SUGCT: variants seen among roughly 807,000 people sequenced by gnomAD.
SUGCT encodes the protein succinyl-CoA:glutarate CoA-transferase.
SUGCT carries 41 observed loss-of-function variants against 55.0 expected under a neutral mutation model. The ratio of observed to expected loss-of-function variants is 0.74; its 90% CI spans 0.58 to 0.97. SUGCT has a LOEUF of 0.97. Among genes scored for constraint, SUGCT ranks in the 50% least tolerant of loss-of-function variants. SUGCT has a pLI of 0.00. For missense variants in SUGCT, 568 were observed against 547.8 expected (o/e 1.04, Z -0.37); for synonymous variants, 187 against 200.4 (o/e 0.93, Z 0.56).
rs144123653 is a variant in SUGCT, at chr7:40,430,284, A to G, written c.817-19003A>G. Among the ~76,000 whole-genome samples, 768 of 152,274 alleles carry G rather than the reference A, an allele frequency of 5.0e-3. 6 individuals carry two copies. Among genetic ancestry groups the G allele is most frequent in the African/African-American group, 0.018 (733 of 41,564 alleles). On this transcript the variant is annotated intron_variant, in intron 9 of 13. Coordinates refer to ENST00000335693, the MANE Select transcript of SUGCT (RefSeq NM_001193313.2). The stretch of plus-strand genomic sequence containing the variant: ...GCTGTACCAATCTATATTTTCACCA[A>G]TGGTATACAAGAGTTCTCCTTTCTC...
chr7:40,139,160 A>AATCAATC (rs201220891), intron 1 of SUGCT, among the ~76,000 whole-genome samples: 6 of 150,758 alleles, frequency 4.0e-5, no homozygotes, highest in African/African-American at 1.5e-4. Flanking sequence ...ATAAATAAAT[A>AATCAATC]AATAAATAAA....
chr7:40,823,457 C>G (rs1792133707), intron 13 of SUGCT, among the ~76,000 whole-genome samples: 1 of 152,018 alleles, frequency 6.6e-6, no homozygotes, highest in South Asian at 2.1e-4. Context: ...ATGGCGATTT[C>G]AAAACCTAAC....
intron 9 of SUGCT, among the ~76,000 whole-genome samples, chr7:40,378,942 C>T (rs1309242692): frequency 6.6e-6 from 1 of 152,124 alleles, no homozygotes; most frequent in Non-Finnish European, 1.5e-5. Context: ...TGACTATTAT[C>T]ACATATGTTA....
chr7:40,539,484 TCTA>T (rs201389755), intron 12 of SUGCT: 3,071 of 152,262 alleles, frequency 0.02, 46 homozygotes, highest in Non-Finnish European at 0.03. Flanking sequence ...TTCTGAGATT[TCTA>T]GCAGCAAGCA....
chr7:40,931,371 G>T, the SUGCT span, among the ~76,000 whole-genome samples: 1 of 152,136 alleles, frequency 6.6e-6, no homozygotes, highest in Non-Finnish European at 1.5e-5. Flanking sequence ...AGAGATATTG[G>T]TCTAAAATTC....
intron 12 of SUGCT, among the ~76,000 whole-genome samples, chr7:40,667,251 TTA>T (rs112421332): frequency 0.17 from 26,344 of 152,092 alleles, 2,349 homozygotes; most frequent in African/African-American, 0.2. Context: ...TTAATTATAT[TTA>T]TTGATTTGCA....
At chr7:40,865,098 C>T (rs529576781), downstream of SUGCT, among the ~76,000 whole-genome samples, 2 of 152,032 alleles carry the variant, frequency 1.3e-5, no homozygotes, top group African/African-American at 4.8e-5. Context: ...CCTCTCTCTC[C>T]TTCTCTGGGG....
In SUGCT at chr7:40,397,070, G is replaced by C. The variant is rs190944283; in HGVS notation, c.817-52217G>C. 5.3e-5 allele frequency among the ~76,000 whole-genome samples: 8 copies of C among 152,246 alleles called. No homozygotes were observed. The East Asian group carries it at 1.5e-3, about 29-fold the overall frequency. On this transcript the variant is annotated intron_variant, in intron 9 of 13. Transcript: ENST00000335693. ...GTCATTAATGTCATGCCACTTTTAA[G>C]AGTTGAAAACTCTGATGATAGATTA...
chr7:40,422,659 C>G (rs974437304), intron 9 of SUGCT, among the ~76,000 whole-genome samples: 15 of 152,168 alleles, frequency 9.9e-5, no homozygotes, highest in African/African-American at 3.6e-4. Flanking sequence ...AGTAGGCACT[C>G]AATGAATATT....
At chr7:40,770,564 G>T (rs1270226019) in intron 13 of SUGCT, among the ~76,000 whole-genome samples, 4 of 152,164 alleles carry the variant, frequency 2.6e-5, no homozygotes, top group Non-Finnish European at 5.9e-5. Context: ...CCTGGAAGCT[G>T]TCAAATTATA....
At chr7:40,357,847 C>T (rs182216448) in intron 9 of SUGCT, among the ~76,000 whole-genome samples, 46 of 151,376 alleles carry the variant, frequency 3.0e-4, no homozygotes, top group Middle Eastern at 3.4e-3. Flanking sequence ...AAAGAACATT[C>T]TTAGCTTGTG....
intron 9 of SUGCT, among the ~76,000 whole-genome samples, chr7:40,435,404 T>C (rs1736138823): frequency 6.6e-6 from 1 of 152,200 alleles, no homozygotes; most frequent in African/African-American, 2.4e-5. Context: ...TCTTTGATTC[T>C]CTGAAACTCT....
At chr7:40,658,691 A>T (rs1309402972) in intron 12 of SUGCT, among the ~76,000 whole-genome samples, 1 of 152,208 alleles carries the variant, frequency 6.6e-6, no homozygotes, top group Non-Finnish European at 1.5e-5. Flanking sequence ...GGATAGGCTT[A>T]CAATTATTTG....
At chr7:41,029,127 C>A in the SUGCT span, among the ~76,000 whole-genome samples, 1 of 152,092 alleles carries the variant, frequency 6.6e-6, no homozygotes, top group African/African-American at 2.4e-5. Flanking sequence ...TGGGAGCCCT[C>A]GTGAGGACTC....
the SUGCT span, among the ~76,000 whole-genome samples, chr7:40,989,494 T>C: frequency 6.6e-6 from 1 of 152,102 alleles, no homozygotes; most frequent in East Asian, 1.9e-4. Flanking sequence ...TTGGCTGGCA[T>C]GGTGGCTCAC....
intron 12 of SUGCT, among the ~76,000 whole-genome samples, chr7:40,567,110 A>T (rs1382408238): frequency 1.3e-5 from 2 of 152,244 alleles, no homozygotes; most frequent in African/African-American, 4.8e-5. Context: ...GTTTTAACTT[A>T]CAGTTTGATC....
chr7:40,492,872 T>A (rs528286724), intron 11 of SUGCT, among the ~76,000 whole-genome samples: 1 of 152,318 alleles, frequency 6.6e-6, no homozygotes, highest in South Asian at 2.1e-4. Flanking sequence ...TCCATTAGAC[T>A]ATATGAACTC....
At chr7:40,806,414 T>C (rs1158486812) in intron 13 of SUGCT, among the ~76,000 whole-genome samples, 1 of 152,168 alleles carries the variant, frequency 6.6e-6, no homozygotes. Flanking sequence ...AAGTCAGCCT[T>C]AGTGTTCCCT....
chr7:40,181,308 CA>C (rs1441759398), intron 2 of SUGCT, among the ~76,000 whole-genome samples: 2 of 151,930 alleles, frequency 1.3e-5, no homozygotes, highest in Non-Finnish European at 2.9e-5. Context: ...CAAAATTCAA[CA>C]AAAAAGTGAA....
Sources: allele counts gnomAD v4.1 joint callset (sites outside exome capture counted in the v4.1 genomes callset), GRCh38; gene constraint gnomAD v4.1.1; transcripts MANE v1.5; gene names NCBI Gene and HGNC (gene_info 2026-07-23, HGNC 2026-07-21).